The following PLA2G5 variants were observed in gnomAD, a reference collection of about 807,000 sequenced individuals.
PLA2G5 encodes the protein Ca2+-dependent phospholipase A2.
PLA2G5 carries 12 observed loss-of-function variants against 15.9 expected under a neutral mutation model. That is an observed-to-expected ratio of 0.76 (90% CI 0.48 to 1.23). PLA2G5 has a LOEUF of 1.23. PLA2G5 is among the 50% of genes most tolerant of loss of function. The pLI, the probability that PLA2G5 is intolerant of heterozygous loss-of-function variation, is 0.00. For missense variants in PLA2G5, 169 were observed against 177.1 expected (o/e 0.95, Z 0.26); for synonymous variants, 71 against 71.4 (o/e 0.99, Z 0.03).
intron 1 of PLA2G5, among the ~76,000 whole-genome samples, chr1:20,071,427 T>C (rs918207616): frequency 6.6e-6 from 1 of 152,184 alleles, no homozygotes; most frequent in Non-Finnish European, 1.5e-5. Flanking sequence ...ATATGTATCA[T>C]GCCCTACACT....
intron 1 of PLA2G5, among the ~76,000 whole-genome samples, chr1:20,057,169 G>A (rs1312892293): frequency 2.0e-5 from 3 of 151,968 alleles, no homozygotes; most frequent in Middle Eastern, 3.2e-3. Context: ...AACTTTTGGT[G>A]TCATTGCTTT....
At chr1:20,056,904 T>C (rs538025328) in intron 1 of PLA2G5, among the ~76,000 whole-genome samples, 48 of 152,332 alleles carry the variant, frequency 3.2e-4, no homozygotes, top group African/African-American at 1.1e-3. Flanking sequence ...TAGATGCTGG[T>C]CTATTCAAAT....
intron 1 of PLA2G5, among the ~76,000 whole-genome samples, chr1:20,031,832 G>A (rs1372406630): frequency 6.6e-6 from 1 of 152,148 alleles, no homozygotes; most frequent in Non-Finnish European, 1.5e-5. Flanking sequence ...AGAAGTCTGT[G>A]ATCCAGACCC....
rs140128388 is a variant in PLA2G5 at position 20,044,369 on chromosome 1, TG to T, written n.277-15255del. ...AGGCAAGGATGATTAATTCCTGTTG[TG>T]GGGGGGGTTTGAGGTCTGGATTCTA... On this transcript the variant is annotated intron_variant and non_coding_transcript_variant, in intron 1 of 6. Transcript: ENST00000460175. Among the ~76,000 whole-genome samples, 6 of 150,412 alleles carry T rather than the reference TG, an allele frequency of 4.0e-5. No homozygotes were observed. The East Asian group carries it at 5.8e-4, about 15-fold the overall frequency.
chr1:20,080,704 C>T (rs2100591929), intron 1 of PLA2G5, among the ~76,000 whole-genome samples: 1 of 151,244 alleles, frequency 6.6e-6, no homozygotes, highest in Admixed American at 6.6e-5. Flanking sequence ...GGAGCTGGCC[C>T]ATGCAGGGGT....
Position 20,043,972 on chromosome 1 carries a change from T to G in PLA2G5, n.276+15263T>G, listed in dbSNP as rs191327149. Among the ~76,000 whole-genome samples the G allele has an allele frequency of 3.5e-3, 540 of 152,270 alleles. 4 individuals are homozygous for G. The highest frequency in any genetic ancestry group is 0.011 in the African/African-American group (458 of 41,548). On this transcript the variant is annotated intron_variant and non_coding_transcript_variant, in intron 1 of 6. Coordinates refer to the PLA2G5 transcript ENST00000460175. ...CTTCAGCCACTAAGCTGAGCAGATC[T>G]GGGAAGGAGTCAGTCAGTCAGAGAA...
intron 1 of PLA2G5, among the ~76,000 whole-genome samples, chr1:20,057,242 C>A (rs2014479126): frequency 6.6e-6 from 1 of 150,692 alleles, no homozygotes; most frequent in African/African-American, 2.4e-5. Context: ...TATTTCTTTT[C>A]TTCTACTTAC....
Position 20,091,416 on chromosome 1 carries a change from T to C in PLA2G5, c.*724T>C, listed in dbSNP as rs1457349163. Among the ~76,000 whole-genome samples, 1 of 152,200 alleles carries C rather than the reference T, an allele frequency of 6.6e-6. No individual in the cohort carries two copies. The highest frequency in any genetic ancestry group is 2.4e-5 in the African/African-American group (1 of 41,452). On this transcript the variant is annotated 3_prime_UTR_variant, in exon 5 of 5. Coordinates refer to ENST00000375108, the MANE Select transcript of PLA2G5 (RefSeq NM_000929.3). ...AAAGATAACTGGTGATTATGCCAGCTTCAGCTTCCAGGCCAGAGAGGGTGG... is the reference window on the plus strand; with the variant it reads ...AAAGATAACTGGTGATTATGCCAGCCTCAGCTTCCAGGCCAGAGAGGGTGG...
At chr1:20,029,835 G>A (rs1427016556) in intron 1 of PLA2G5, among the ~76,000 whole-genome samples, 2 of 152,198 alleles carry the variant, frequency 1.3e-5, no homozygotes, top group Non-Finnish European at 2.9e-5. Context: ...TCTGGAGATT[G>A]AAACACCAGT....
intron 1 of PLA2G5, among the ~76,000 whole-genome samples, chr1:20,043,489 G>T (rs1313013956): frequency 1.3e-5 from 2 of 152,096 alleles, no homozygotes; most frequent in African/African-American, 4.8e-5. Context: ...GTGTGTGATT[G>T]GTTGCCAGGG....
rs536340436 is a variant in PLA2G5 at position 20,080,894 on chromosome 1, C to A, written c.-10-3927C>A. On this transcript the variant is annotated intron_variant, in intron 1 of 4. Transcript: ENST00000375108. ...GCTATGAGAGGAGACACCTGGCCCC[C>A]TTGGTCAGGGGAGCAGGGCCCGAAG... Among the ~76,000 whole-genome samples the A allele has an allele frequency of 2.0e-5, 3 of 151,878 alleles. No homozygotes were observed. The South Asian group carries it at 6.2e-4, about 31-fold the overall frequency.
chr1:20,083,598 T>C (rs2016139517), intron 1 of PLA2G5, among the ~76,000 whole-genome samples: 1 of 151,926 alleles, frequency 6.6e-6, no homozygotes, highest in Non-Finnish European at 1.5e-5. Context: ...TGGAATTTCC[T>C]GGACTCTAAG....
chr1:20,064,228 A>G (rs747210132), intron 2 of PLA2G5, among the ~76,000 whole-genome samples: 19 of 152,234 alleles, frequency 1.2e-4, no homozygotes, highest in Non-Finnish European at 2.4e-4. Context: ...AAAAAATATA[A>G]CTACTGGTTA....
chr1:20,077,794 C>T (rs1282930761), intron 1 of PLA2G5, among the ~76,000 whole-genome samples: 1 of 152,154 alleles, frequency 6.6e-6, no homozygotes, highest in African/African-American at 2.4e-5. Flanking sequence ...TTTGAACACA[C>T]GTCTCTCCTA....
chr1:20,040,462 GAGA>G (rs2013525491), intron 1 of PLA2G5, among the ~76,000 whole-genome samples: 1 of 152,028 alleles, frequency 6.6e-6, no homozygotes, highest in South Asian at 2.1e-4. Context: ...CTTGTTTTCT[GAGA>G]TGTCATGGTT....
intron 2 of PLA2G5, among the ~76,000 whole-genome samples, chr1:20,063,191 C>T (rs2014830948): frequency 6.6e-6 from 1 of 151,436 alleles, no homozygotes; most frequent in Non-Finnish European, 1.5e-5. Flanking sequence ...AGACCACCTC[C>T]CTAAAAAAAT....
chr1:20,068,836 T>C (rs2015189203), upstream of PLA2G5: 1 of 611,382 alleles, frequency 1.6e-6, no homozygotes, highest in Non-Finnish European at 2.5e-6. Context: ...TAGCAAACAC[T>C]TGTTGTCTTG....
At chr1:20,043,596 G>A (rs556228769) in intron 1 of PLA2G5, among the ~76,000 whole-genome samples, 47 of 152,246 alleles carry the variant, frequency 3.1e-4, no homozygotes, top group African/African-American at 1.1e-3. Flanking sequence ...GTGGCAATGA[G>A]CTGTGGCTGT....
At chr1:20,029,540 C>T (rs1263281985) in intron 1 of PLA2G5, among the ~76,000 whole-genome samples, 1 of 152,042 alleles carries the variant, frequency 6.6e-6, no homozygotes, top group Non-Finnish European at 1.5e-5. Context: ...GCATGGCAGG[C>T]GAGGGTGGTC....
Sources: gnomAD v4.1 joint callset for allele counts (sites outside exome capture counted in the v4.1 genomes callset) on GRCh38, gnomAD v4.1.1 for gene constraint, MANE v1.5 for transcripts, NCBI Gene and HGNC (gene_info 2026-07-23, HGNC 2026-07-21) for gene names.